The following FMN1 variants were observed in gnomAD, a reference collection of about 807,000 sequenced individuals.
FMN1 encodes the protein formin-1.
FMN1 carries 110 observed loss-of-function variants against 132.4 expected under a neutral mutation model. That is an observed-to-expected ratio of 0.83 (90% CI 0.71 to 0.97). The LOEUF (loss-of-function observed/expected upper bound fraction) is 0.97. Among genes scored for constraint, FMN1 ranks in the 50% least tolerant of loss-of-function variants. The probability of loss-of-function intolerance (pLI) is 0.00; values close to 1 mark genes in which losing one functional copy is unlikely to be tolerated. For missense variants in FMN1, 1,792 were observed against 1,705.3 expected (o/e 1.05, Z -0.90); for synonymous variants, 722 against 651.7 (o/e 1.11, Z -1.64).
chr15:33,154,949 C>A lies in FMN1; in HGVS notation c.-35G>T. On this transcript the variant is annotated 5_prime_UTR_variant, in exon 4 of 21. Coordinates refer to ENST00000616417, the MANE Select transcript of FMN1 (RefSeq NM_001277313.2). Reference sequence around the variant, plus strand: ...CTAATTATTCATGCCTTGGAGATGCCGGTTTGTGGTCAGGCTTCCCAGGCT... The same window carrying A: ...CTAATTATTCATGCCTTGGAGATGCAGGTTTGTGGTCAGGCTTCCCAGGCT... 1 of 1,487,190 alleles carries A rather than the reference C, an allele frequency of 6.7e-7. No homozygotes were observed. Among genetic ancestry groups the A allele is most frequent in the East Asian group, 2.5e-5 (1 of 40,590 alleles). The allele number at this position is 1,487,190 out of a possible 1,614,324, so 92.1% of individuals were successfully genotyped here. A position where few individuals can be genotyped will look rare whatever the true frequency, so the allele number is the denominator to read the frequency against.
chr15:32,779,661 T>C (rs1351836624), intron 19 of FMN1, among the ~76,000 whole-genome samples: 1 of 152,170 alleles, frequency 6.6e-6, no homozygotes, highest in Non-Finnish European at 1.5e-5. Context: ...GGGTGATATA[T>C]GAGAATAGCA....
At chr15:33,046,018 G>A (rs925098789) in intron 6 of FMN1, among the ~76,000 whole-genome samples, 22 of 152,040 alleles carry the variant, frequency 1.4e-4, no homozygotes, top group African/African-American at 4.8e-4. Context: ...AAAGATTCAT[G>A]GATATTGTTC....
At chr15:33,035,990 A>G (rs1456108183) in intron 6 of FMN1, among the ~76,000 whole-genome samples, 1 of 152,200 alleles carries the variant, frequency 6.6e-6, no homozygotes, top group African/African-American at 2.4e-5. Flanking sequence ...TAGCACACTC[A>G]GCCCCTTCAC....
chr15:32,917,091 G>A (rs1277461114), intron 10 of FMN1, among the ~76,000 whole-genome samples: 2 of 152,114 alleles, frequency 1.3e-5, no homozygotes, highest in African/African-American at 4.8e-5. Context: ...TCCCAACAAT[G>A]AGGTCATCCT....
intron 5 of FMN1, among the ~76,000 whole-genome samples, chr15:33,070,373 G>T (rs567214149): frequency 7.0e-6 from 1 of 142,016 alleles, no homozygotes. Flanking sequence ...GTGGGAGAGG[G>T]CACGTATTTG....
At chr15:33,165,490 A>T (rs534655842) in intron 3 of FMN1, among the ~76,000 whole-genome samples, 2 of 152,262 alleles carry the variant, frequency 1.3e-5, no homozygotes, top group South Asian at 2.1e-4. Context: ...TCCCGGGTTC[A>T]CGCCATTCTC....
At chr15:33,108,759 G>A (rs1473071767) in intron 4 of FMN1, among the ~76,000 whole-genome samples, 3 of 151,918 alleles carry the variant, frequency 2.0e-5, no homozygotes, top group African/African-American at 7.3e-5. Flanking sequence ...TTCATTAGAT[G>A]GTCACTTCAA....
At chr15:32,971,564 C>A (rs1219306115) in intron 7 of FMN1, among the ~76,000 whole-genome samples, 2 of 152,164 alleles carry the variant, frequency 1.3e-5, no homozygotes, top group African/African-American at 4.8e-5. Flanking sequence ...CTGATTACCA[C>A]CCTGAATTAC....
At chr15:33,063,489 GCTCT>G (rs958806680) in intron 6 of FMN1, 1 of 152,080 alleles carries the variant, frequency 6.6e-6, no homozygotes, top group Non-Finnish European at 1.5e-5. Flanking sequence ...CCAGAGTAGC[GCTCT>G]CTTACTGCTT....
intron 4 of FMN1, among the ~76,000 whole-genome samples, chr15:33,115,926 T>C (rs2039906127): frequency 6.6e-6 from 1 of 152,212 alleles, no homozygotes; most frequent in African/African-American, 2.4e-5. Flanking sequence ...ATTATTCATT[T>C]CAACTAGATT....
intron 17 of FMN1, among the ~76,000 whole-genome samples, chr15:32,846,614 A>T (rs1033932774): frequency 8.5e-5 from 13 of 152,230 alleles, no homozygotes; most frequent in Non-Finnish European, 1.8e-4. Context: ...TGTTGGTGGG[A>T]ATGTAAATTA....
intron 6 of FMN1, among the ~76,000 whole-genome samples, chr15:33,028,580 G>A (rs944678495): frequency 2.0e-5 from 3 of 152,046 alleles, no homozygotes; most frequent in African/African-American, 7.2e-5. Flanking sequence ...AGATACTTTT[G>A]GAAATCCCAC....
In FMN1 at chr15:32,795,092, C is replaced by G. The variant is rs139063370; in HGVS notation, c.4130+3712G>C. Among the ~76,000 whole-genome samples, 774 of 152,090 alleles carry G rather than the reference C, an allele frequency of 5.1e-3. 7 individuals are homozygous for G. Among genetic ancestry groups the G allele is most frequent in the African/African-American group, 0.018 (733 of 41,476 alleles). ...ATGCACACCTGTAGTCCCAGCTACTCAGTAGGCTAAGGCAGGAGGATTGCT... is the reference window on the plus strand; with the variant it reads ...ATGCACACCTGTAGTCCCAGCTACTGAGTAGGCTAAGGCAGGAGGATTGCT... On this transcript the variant is annotated intron_variant, in intron 19 of 20. Transcript: ENST00000616417.
At chr15:33,043,164 AGCG>A (rs1207480010) in intron 6 of FMN1, among the ~76,000 whole-genome samples, 3 of 152,156 alleles carry the variant, frequency 2.0e-5, no homozygotes, top group Non-Finnish European at 2.9e-5. Flanking sequence ...GAAGCTGAGC[AGCG>A]AGCCATGGTG....
chr15:32,972,591 C>T (rs1213815626), intron 7 of FMN1, among the ~76,000 whole-genome samples: 1 of 152,146 alleles, frequency 6.6e-6, no homozygotes, highest in Non-Finnish European at 1.5e-5. Context: ...TCGATTCCAC[C>T]TCTCTCCTTT....
chr15:33,067,278 C>T, intron 5 of FMN1: 1 of 1,613,738 alleles, frequency 6.2e-7, no homozygotes. Flanking sequence ...GGATCTTCTG[C>T]ACAGAGCTCT....
rs2056031943 is a variant in FMN1 at position 32,765,938 on chromosome 15, AAATT to A, written c.*8368_*8371del. The stretch of plus-strand genomic sequence containing the variant: ...TCATGAGCATTTCTCAGCTTTGACA[AAATT>A]AAATATGCAAACAAATTAGAAATAC... On this transcript the variant is annotated 3_prime_UTR_variant, in exon 21 of 21. Coordinates refer to ENST00000616417, the MANE Select transcript of FMN1 (RefSeq NM_001277313.2). 1 of 146,104 alleles carries A rather than the reference AAATT, an allele frequency of 6.8e-6. No individual in the cohort carries two copies. The highest frequency in any genetic ancestry group is 1.5e-5 in the Non-Finnish European group (1 of 64,648). 9.1% of individuals were successfully genotyped at this position (146,104 alleles called of 1,614,324 possible). A position where few individuals can be genotyped will look rare whatever the true frequency, so the allele number is the denominator to read the frequency against.
intron 4 of FMN1, among the ~76,000 whole-genome samples, chr15:33,107,408 C>G (rs983507268): frequency 3.9e-5 from 6 of 152,016 alleles, no homozygotes; most frequent in Non-Finnish European, 7.4e-5. Context: ...AGTGGCTTCC[C>G]ATCATAGTTA....
intron 6 of FMN1, among the ~76,000 whole-genome samples, chr15:33,025,028 T>C (rs938968561): frequency 6.6e-6 from 1 of 152,200 alleles, no homozygotes; most frequent in Non-Finnish European, 1.5e-5. Context: ...CTATCCACTG[T>C]TTTGAGACTT....
Sources: allele counts gnomAD v4.1 joint callset (sites outside exome capture counted in the v4.1 genomes callset), GRCh38; gene constraint gnomAD v4.1.1; transcripts MANE v1.5; gene names NCBI Gene and HGNC (gene_info 2026-07-23, HGNC 2026-07-21).